The following TSPAN32 variants were observed in gnomAD, a reference collection of about 807,000 sequenced individuals.
TSPAN32 encodes the protein tetraspanin 32.
A neutral mutation model predicts 42.7 loss-of-function variants in TSPAN32; 47 were observed. The ratio of observed to expected loss-of-function variants is 1.10; its 90% CI spans 0.87 to 1.40. The LOEUF is 1.40. Among genes scored for constraint, TSPAN32 ranks in the 40% most tolerant of loss-of-function variants. The pLI is 0.00. For synonymous variants in TSPAN32, 175 were observed against 175.9 expected (o/e 0.99, Z 0.04); for missense variants, 469 against 424.1 (o/e 1.11, Z -0.93).
At chr11:2,303,997 A>G (rs1459666887) in intron 2 of TSPAN32, 110 bp from the exon 3 acceptor site, 1 of 781,236 alleles carries the variant, frequency 1.3e-6, no homozygotes, top group Non-Finnish European at 2.2e-6. Flanking sequence ...AGAGCCCCCC[A>G]GGAGTCCCTC....
chr11:2,306,386 T>C (rs898797588), intron 3 of TSPAN32, among the ~76,000 whole-genome samples: 2 of 152,020 alleles, frequency 1.3e-5, no homozygotes, highest in African/African-American at 2.4e-5. Flanking sequence ...AATTCGCTTA[T>C]GTATCTATTT....
rs550691124 is a variant in TSPAN32 at position 2,304,826 on chromosome 11, G to A, written c.279+622G>A. On this transcript the variant is annotated intron_variant, in intron 3 of 9. Transcript: ENST00000182290. This position sits in a 1 kb window ranked among gnomAD's most constrained non-coding sequence, Gnocchi z 4.8. ...GCTTCTGTCTTGGTCCCTGCCACTC[G>A]ATGGTCATCGCAGACCCCACCTGGC... Among the ~76,000 whole-genome samples the A allele has an allele frequency of 1.1e-4, 17 of 151,698 alleles. No homozygotes were observed. The East Asian group carries it at 3.1e-3, about 28-fold the overall frequency.
At chr11:2,305,986 A>ATGTGTGTGTGCATGTGCATGAG (rs1848056323) in intron 3 of TSPAN32, among the ~76,000 whole-genome samples, 1 of 147,992 alleles carries the variant, frequency 6.8e-6, no homozygotes, top group Non-Finnish European at 1.5e-5. Flanking sequence ...GCAAATATAC[A>ATGTGTGTGTGCATGTGCATGAG]TGTGTGTGTG....
chr11:2,312,236 A>T (rs1848503500), intron 4 of TSPAN32, among the ~76,000 whole-genome samples: 1 of 152,234 alleles, frequency 6.6e-6, no homozygotes, highest in Non-Finnish European at 1.5e-5. Context: ...GGAGGGAAGC[A>T]GGAGGGGAGG....
At position 2,317,423 on chromosome 11, in the gene TSPAN32, G is replaced by C. The variant is rs889639870; in HGVS notation, c.799G>C (p.Ala267Pro). Residue 267 changes from alanine (A) to proline (P), a missense_variant, in exon 9 of 10, where the codon GCA becomes CCA. Physicochemically the swap from Ala to Pro is conservative, Grantham distance 27. Coordinates refer to ENST00000182290, the MANE Select transcript of TSPAN32 (RefSeq NM_139022.3). The surrounding 1 kb of genome is among the most constrained non-coding windows in gnomAD (Gnocchi z 6.2). Reference sequence around the variant, plus strand: ...ACCCACACATTGTCTCCACTCCGAAGCAGTTGCTATTGGTCCAAGAGGATG... The same window carrying C: ...ACCCACACATTGTCTCCACTCCGAACCAGTTGCTATTGGTCCAAGAGGATG... ...GGPTHCLHSEAVAIGPRGCSG... is the reference protein window; with the variant it reads ...GGPTHCLHSEPVAIGPRGCSG... The C allele has an allele frequency of 1.2e-6, 2 of 1,603,666 alleles. No homozygotes were observed. Among genetic ancestry groups the C allele is most frequent in the South Asian group, 1.1e-5 (1 of 89,090 alleles).
Position 2,314,509 on chromosome 11 carries a change from C to A in TSPAN32, c.481C>A (p.Pro161Thr), listed in dbSNP as rs147219779. 6.2e-6 allele frequency: 10 copies of A among 1,612,536 alleles called. No individual in the cohort carries two copies. In the Admixed American group the frequency reaches 6.7e-5, roughly 11 times the overall value. Reference sequence around the variant, plus strand: ...GTTTCTGTGCTGTGGGAAGAAGTCTCCTTTCAGCCGTCTGGGGAGCACAGA... The same window carrying A: ...GTTTCTGTGCTGTGGGAAGAAGTCTACTTTCAGCCGTCTGGGGAGCACAGA... ...DVFLCCGKKS[P>T]FSRLGSTEAD... The change falls in exon 6 of 10, where the codon CCT becomes ACT. Residue 161 changes from proline (P) to threonine (T), a missense_variant. Transcript: ENST00000182290.
chr11:2,304,177 G>A lies in TSPAN32; in HGVS notation c.252G>A (p.Val84=), dbSNP rs1471857615. ...CCGTGCTGAGCGCTGCAGCCACCGT[G>A]AGGGAGGCCCAGGGCCTCATGGCAG... ...LGAVLSAAAT[V]REAQGLMAGG... Residue 84 remains valine, a synonymous_variant, in exon 3 of 10, where the codon GTG becomes GTA. Transcript: ENST00000182290. The surrounding 1 kb of genome is among the most constrained non-coding windows in gnomAD (Gnocchi z 4.8). 7 of 1,585,170 alleles carry A rather than the reference G, an allele frequency of 4.4e-6. No individual in the cohort carries two copies. The highest frequency in any genetic ancestry group is 6.0e-6 in the Non-Finnish European group (7 of 1,166,020).
chr11:2,304,642 G>C lies in TSPAN32; in HGVS notation c.279+438G>C, dbSNP rs985258590. Among the ~76,000 whole-genome samples the C allele has an allele frequency of 6.6e-6, 1 of 152,042 alleles. No individual in the cohort carries two copies. Among genetic ancestry groups the C allele is most frequent in the Non-Finnish European group, 1.5e-5 (1 of 67,984 alleles). On this transcript the variant is annotated intron_variant, in intron 3 of 9. Transcript: ENST00000182290. The surrounding 1 kb of genome is among the most constrained non-coding windows in gnomAD (Gnocchi z 4.8). ...TCGGAGGAGGCCGGGCCAGGCTCAG[G>C]AAACGCCCCTTGAGCTCTCCAGCCT...
In TSPAN32 at chr11:2,313,709, G is replaced by T. The variant is rs112455917; in HGVS notation, c.410G>T (p.Gly137Val). The T allele has an allele frequency of 1.5e-5, 24 of 1,608,692 alleles. No individual in the cohort carries two copies. The African/African-American group carries it at 1.6e-4, about 11-fold the overall frequency. Residue 137 changes from glycine (G) to valine (V), a missense_variant, in exon 5 of 10, where the codon GGT becomes GTT. Gly to Val is a moderately radical substitution (Grantham distance 109). Coordinates refer to ENST00000182290, the MANE Select transcript of TSPAN32 (RefSeq NM_139022.3). This position sits in a 1 kb window ranked among gnomAD's most constrained non-coding sequence, Gnocchi z 9.1. ...CTGGTATATGAGCAGGCGATGAAAG[G>T]TACGTCCCACGTCCGGCGGCAGGAG... Reference protein sequence around the residue: ...YDLVYEQAMKGTSHVRRQELA... With the variant: ...YDLVYEQAMKVTSHVRRQELA...
At chr11:2,314,175 A>G (rs1848644038) in intron 5 of TSPAN32, among the ~76,000 whole-genome samples, 1 of 150,210 alleles carries the variant, frequency 6.7e-6, no homozygotes, top group African/African-American at 2.4e-5. Context: ...AAAAAAAAAA[A>G]AAAGAAAAGA....
intron 3 of TSPAN32, among the ~76,000 whole-genome samples, chr11:2,307,734 G>C (rs1848203020): frequency 6.6e-6 from 1 of 152,186 alleles, no homozygotes; most frequent in Non-Finnish European, 1.5e-5. Flanking sequence ...CGGGTGCGCA[G>C]ACGTTTCCAC....
At chr11:2,315,216 T>C in intron 6 of TSPAN32, 1 of 1,175,526 alleles carries the variant, frequency 8.5e-7, no homozygotes, top group Non-Finnish European at 1.1e-6. Flanking sequence ...TCCCCTACTG[T>C]CCTGGAAACA....
At chr11:2,306,273 C>T (rs1018722393) in intron 3 of TSPAN32, among the ~76,000 whole-genome samples, 2 of 152,178 alleles carry the variant, frequency 1.3e-5, no homozygotes, top group African/African-American at 4.8e-5. Context: ...TGCCTGCCCC[C>T]ACCCCTCCGG....
chr11:2,307,266 C>T (rs1465596369), intron 3 of TSPAN32, among the ~76,000 whole-genome samples: 2 of 152,194 alleles, frequency 1.3e-5, no homozygotes, highest in African/African-American at 4.8e-5. Flanking sequence ...AGCGTTGTCG[C>T]TGCCCACCTG....
chr11:2,307,477 A>G (rs2237861), intron 3 of TSPAN32, among the ~76,000 whole-genome samples: 134,917 of 151,902 alleles, frequency 0.89, 60,828 homozygotes, highest in Non-Finnish European at 0.93. Context: ...CGGTGGCTAG[A>G]CTCACCGTCA....
Position 2,317,900 on chromosome 11 carries a change from C to A in TSPAN32, c.939C>A (p.Cys313Ter). Residue 313 changes from cysteine (C) to a stop codon, truncating the protein, a stop_gained, in exon 10 of 10, where the codon TGC (cysteine) becomes TGA (stop). Transcript: ENST00000182290. LOFTEE classifies it high-confidence loss of function. The surrounding 1 kb of genome is among the most constrained non-coding windows in gnomAD (Gnocchi z 6.2). ...QGRSRGGLSGCPERGLSD is the reference protein window; with the variant it reads ...QGRSRGGLSG Reference sequence around the variant, plus strand: ...GAAGTCGCGGTGGGCTCAGTGGGTGCCCTGAGCGGGGTCTCTCAGACTGAC... The same window carrying A: ...GAAGTCGCGGTGGGCTCAGTGGGTGACCTGAGCGGGGTCTCTCAGACTGAC... The A allele has an allele frequency of 7.5e-7, 1 of 1,325,206 alleles. No homozygotes were observed. The highest frequency in any genetic ancestry group is 1.1e-6 in the Non-Finnish European group (1 of 916,618). 82.1% of individuals were successfully genotyped at this position (1,325,206 alleles called of 1,614,324 possible). A position where few individuals can be genotyped will look rare whatever the true frequency, so the allele number is the denominator to read the frequency against.
intron 6 of TSPAN32, chr11:2,315,169 C>A: frequency 1.5e-6 from 1 of 656,722 alleles, no homozygotes; most frequent in Non-Finnish European, 2.1e-6. Flanking sequence ...CTCCCCCAGC[C>A]CACCCTGCCC....
intron 4 of TSPAN32, among the ~76,000 whole-genome samples, chr11:2,311,515 C>A (rs1309227231): frequency 1.3e-5 from 2 of 152,148 alleles, no homozygotes; most frequent in Non-Finnish European, 2.9e-5. Context: ...GTCTGCCCCA[C>A]CCTGGAGCCA....
At chr11:2,306,004 A>G (rs1329222144) in intron 3 of TSPAN32, among the ~76,000 whole-genome samples, 1 of 142,362 alleles carries the variant, frequency 7.0e-6, no homozygotes, top group Non-Finnish European at 1.5e-5. Context: ...GTGCATGTGC[A>G]TGAGTGTGTG....
Sources: gnomAD v4.1 joint callset for allele counts (sites outside exome capture counted in the v4.1 genomes callset) on GRCh38, gnomAD v4.1.1 for gene constraint, Gnocchi (gnomAD v3.1) non-coding constraint, MANE v1.5 for transcripts, NCBI Gene and HGNC (gene_info 2026-07-23, HGNC 2026-07-21) for gene names.